The following AGMO variants were observed in gnomAD, a reference collection of about 807,000 sequenced individuals.
AGMO encodes the protein alkylglycerol monooxygenase.
A neutral mutation model predicts 60.2 loss-of-function variants in AGMO; 75 were observed. That is an observed-to-expected ratio of 1.25 (90% CI 1.03 to 1.51). The LOEUF (loss-of-function observed/expected upper bound fraction) is 1.51. AGMO is among the 40% of genes most tolerant of loss of function. AGMO has a pLI of 0.00. For missense variants in AGMO, 763 were observed against 525.5 expected (o/e 1.45, Z -4.42); for synonymous variants, 261 against 177.1 (o/e 1.47, Z -3.76).
At chr7:15,206,977 A>G (rs1402444509) in intron 12 of AGMO, among the ~76,000 whole-genome samples, 1 of 152,180 alleles carries the variant, frequency 6.6e-6, no homozygotes, top group Non-Finnish European at 1.5e-5. Context: ...TTCACGCATT[A>G]TTTCAGTTCC....
chr7:15,468,044 A>G (rs993855948), intron 3 of AGMO, among the ~76,000 whole-genome samples: 1 of 152,228 alleles, frequency 6.6e-6, no homozygotes, highest in Admixed American at 6.6e-5. Context: ...TTTCTAACAA[A>G]TCTGCTCACA....
chr7:15,388,553 T>A (rs1784014819), intron 8 of AGMO, among the ~76,000 whole-genome samples: 1 of 152,202 alleles, frequency 6.6e-6, no homozygotes, highest in Admixed American at 6.5e-5. Flanking sequence ...CCATGAGAAA[T>A]ATATGGTAAT....
At chr7:15,204,194 T>A (rs1563033465) in intron 12 of AGMO, among the ~76,000 whole-genome samples, 1 of 152,130 alleles carries the variant, frequency 6.6e-6, no homozygotes, top group Admixed American at 6.6e-5. Context: ...TTCAAATATA[T>A]ATTGCACTAT....
chr7:15,210,471 G>A (rs1476937146), intron 12 of AGMO, among the ~76,000 whole-genome samples: 2 of 151,954 alleles, frequency 1.3e-5, no homozygotes, highest in African/African-American at 4.8e-5. Context: ...TTTGTTATTT[G>A]GAAACTGAAA....
At chr7:15,196,371 A>C (rs1781115175), downstream of AGMO, among the ~76,000 whole-genome samples, 1 of 152,164 alleles carries the variant, frequency 6.6e-6, no homozygotes, top group Non-Finnish European at 1.5e-5. Context: ...TTTAAAATGT[A>C]TGCAAAATGA....
At chr7:15,495,915 T>C (rs951695971) in intron 3 of AGMO, among the ~76,000 whole-genome samples, 1 of 151,834 alleles carries the variant, frequency 6.6e-6, no homozygotes, top group African/African-American at 2.4e-5. Flanking sequence ...CTTCTTCTTC[T>C]TATAAGGGCA....
intron 3 of AGMO, among the ~76,000 whole-genome samples, chr7:15,530,607 G>A (rs1179682107): frequency 2.1e-4 from 21 of 102,286 alleles, no homozygotes; most frequent in African/African-American, 5.1e-4. Flanking sequence ...TTCTATATAC[G>A]TATTTCTATA....
the AGMO span, among the ~76,000 whole-genome samples, chr7:15,157,101 T>C: frequency 6.6e-6 from 1 of 152,192 alleles, no homozygotes; most frequent in Non-Finnish European, 1.5e-5. Context: ...CGGTCTACTT[T>C]ATTATTATTA....
chr7:15,292,815 T>C (rs1784310743), intron 12 of AGMO, among the ~76,000 whole-genome samples: 1 of 140,330 alleles, frequency 7.1e-6, no homozygotes, highest in Non-Finnish European at 1.5e-5. Context: ...TGGAGTGCAG[T>C]GGCGTGATCT....
At chr7:15,123,339 A>G in the AGMO span, among the ~76,000 whole-genome samples, 1 of 152,010 alleles carries the variant, frequency 6.6e-6, no homozygotes, top group Admixed American at 6.6e-5. Context: ...AGTATGTTGC[A>G]CCTTTGTTTT....
At chr7:15,414,895 T>C (rs1433778878) in intron 5 of AGMO, among the ~76,000 whole-genome samples, 1 of 152,134 alleles carries the variant, frequency 6.6e-6, no homozygotes, top group Non-Finnish European at 1.5e-5. Context: ...TAATGGATTT[T>C]TTTAAGTCTC....
At chr7:15,314,739 T>C (rs1361358081) in intron 12 of AGMO, among the ~76,000 whole-genome samples, 4 of 152,166 alleles carry the variant, frequency 2.6e-5, no homozygotes, top group African/African-American at 7.2e-5. Context: ...TATATGACTT[T>C]GGGACTTTGC....
At chr7:15,180,451 T>C in the AGMO span, among the ~76,000 whole-genome samples, 1 of 152,096 alleles carries the variant, frequency 6.6e-6, no homozygotes, top group African/African-American at 2.4e-5. Flanking sequence ...ATAATAATAG[T>C]CTTTACTGTA....
At chr7:15,555,286 TATATATAC>T (rs1277501820) in intron 2 of AGMO, among the ~76,000 whole-genome samples, 8 of 100,392 alleles carry the variant, frequency 8.0e-5, no homozygotes, top group South Asian at 2.7e-4. Context: ...TATATATATA[TATATATAC>T]ACACACACAC....
At chr7:15,179,215 C>G in the AGMO span, among the ~76,000 whole-genome samples, 2 of 152,006 alleles carry the variant, frequency 1.3e-5, no homozygotes, top group African/African-American at 4.8e-5. Context: ...ATCACAATAG[C>G]CCAAAAATCT....
chr7:15,276,988 T>C (rs548147521), intron 12 of AGMO, among the ~76,000 whole-genome samples: 34 of 152,060 alleles, frequency 2.2e-4, no homozygotes, highest in African/African-American at 6.5e-4. Context: ...TTGAATCTCA[T>C]TGAGTTTTCT....
At chr7:15,173,315 A>G in the AGMO span, among the ~76,000 whole-genome samples, 1 of 152,276 alleles carries the variant, frequency 6.6e-6, no homozygotes, top group Admixed American at 6.5e-5. Context: ...GAAAACAAAA[A>G]CAAAGCCCAA....
intron 3 of AGMO, among the ~76,000 whole-genome samples, chr7:15,491,771 T>C (rs1312067644): frequency 6.6e-6 from 1 of 152,164 alleles, no homozygotes; most frequent in African/African-American, 2.4e-5. Flanking sequence ...AAGACAGAGA[T>C]GAAAGAAAAA....
At chr7:15,560,362 C>T in intron 1 of AGMO, 91 bp from the exon 2 acceptor site, 1 of 1,420,080 alleles carries the variant, frequency 7.0e-7, no homozygotes, top group Non-Finnish European at 9.5e-7. Context: ...ATTGAAAGGC[C>T]CAGATTTGGG....
Sources: gnomAD v4.1 joint callset for allele counts (sites outside exome capture counted in the v4.1 genomes callset) on GRCh38, gnomAD v4.1.1 for gene constraint, MANE v1.5 for transcripts, NCBI Gene and HGNC (gene_info 2026-07-23, HGNC 2026-07-21) for gene names.